ANKRD36: variants seen among roughly 807,000 people sequenced by gnomAD.
ANKRD36 encodes the protein ankyrin repeat domain 36.
In ANKRD36, 179 loss-of-function variants were observed where a neutral mutation model predicts 278.1. That is an observed-to-expected ratio of 0.64 (90% CI 0.57 to 0.73). The LOEUF (loss-of-function observed/expected upper bound fraction) is 0.73, where lower values mean the gene tolerates loss of function less well. ANKRD36 is among the 30% of genes least tolerant of loss of function. The pLI is 0.00. For missense variants in ANKRD36, 1,159 were observed against 1,956.7 expected (o/e 0.59, Z 7.69); for synonymous variants, 320 against 641.1 (o/e 0.50, Z 7.57).
At chr2:97,174,619 C>G (rs2053675865) in intron 22 of ANKRD36, among the ~76,000 whole-genome samples, 1 of 151,672 alleles carries the variant, frequency 6.6e-6, no homozygotes, top group African/African-American at 2.4e-5. Context: ...CCCTTTATTT[C>G]CTTCTCCTGC....
At chr2:97,175,095 G>A (rs1238394134) in intron 22 of ANKRD36, among the ~76,000 whole-genome samples, 2 of 148,000 alleles carry the variant, frequency 1.4e-5, no homozygotes, top group East Asian at 3.9e-4. Flanking sequence ...CTCTTTTTTT[G>A]TTGTGTCTCT....
At chr2:97,196,089 T>G (rs563691086) in intron 40 of ANKRD36, among the ~76,000 whole-genome samples, 22 of 152,024 alleles carry the variant, frequency 1.4e-4, no homozygotes, top group South Asian at 8.4e-4. Flanking sequence ...ACACTTCCAC[T>G]GAAGAGATGT....
At chr2:97,202,115 C>T in intron 46 of ANKRD36, 87 bp from the exon 47 acceptor site, 1 of 1,588,440 alleles carries the variant, frequency 6.3e-7, no homozygotes, top group Non-Finnish European at 8.5e-7. Context: ...GGCAGGAGGA[C>T]AGAGGTTGAT....
At chr2:97,201,985 C>G (rs2061500852) in intron 46 of ANKRD36, among the ~76,000 whole-genome samples, 1 of 151,878 alleles carries the variant, frequency 6.6e-6, no homozygotes, top group Admixed American at 6.6e-5. Flanking sequence ...AGAAATCATA[C>G]CATGTTTGAA....
chr2:97,231,890 A>G (rs952439793), intron 67 of ANKRD36, among the ~76,000 whole-genome samples: 5 of 152,116 alleles, frequency 3.3e-5, no homozygotes, highest in African/African-American at 1.2e-4. Context: ...ACTCAAGTGT[A>G]CACTGTTCAT....
At chr2:97,174,542 A>G (rs2053646142) in intron 22 of ANKRD36, among the ~76,000 whole-genome samples, 1 of 151,730 alleles carries the variant, frequency 6.6e-6, no homozygotes, top group African/African-American at 2.4e-5. Flanking sequence ...TAAAATAGCA[A>G]CTTAGATATA....
intron 7 of ANKRD36, 23 bp from the exon 8 acceptor site, chr2:97,142,740 A>G (rs761199537): frequency 6.2e-7 from 1 of 1,609,240 alleles, no homozygotes; most frequent in East Asian, 2.2e-5. Flanking sequence ...TGTATTGATT[A>G]TTTTGTTTCA....
At chr2:97,122,774 T>C (rs562741514) in intron 3 of ANKRD36, 113 bp from the exon 4 acceptor site, 151 of 994,504 alleles carry the variant, frequency 1.5e-4, no homozygotes, top group African/African-American at 5.5e-4. Flanking sequence ...CTACCTCTTA[T>C]GACCTTTCAA....
chr2:97,224,315 C>G lies in ANKRD36; in HGVS notation c.3878-491C>G, dbSNP rs1445277431. On this transcript the variant is annotated intron_variant, in intron 66 of 75. Coordinates refer to ENST00000420699, the MANE Select transcript of ANKRD36 (RefSeq NM_001354587.1). Reference sequence around the variant, plus strand: ...GAACCTGGTGACATCTAGTGCCTCCCCAAGTGGTTTGCTGAAGTTTTGGAG... The same window carrying G: ...GAACCTGGTGACATCTAGTGCCTCCGCAAGTGGTTTGCTGAAGTTTTGGAG... Among the ~76,000 whole-genome samples the G allele has an allele frequency of 1.3e-4, 19 of 151,456 alleles. No homozygotes were observed. The East Asian group carries it at 2.4e-3, about 19-fold the overall frequency.
At chr2:97,143,378 G>C (rs970495704) in intron 8 of ANKRD36, among the ~76,000 whole-genome samples, 16 of 152,230 alleles carry the variant, frequency 1.1e-4, no homozygotes, top group African/African-American at 3.6e-4. Flanking sequence ...ACTCACTTCA[G>C]ATGCATTTGG....
At chr2:97,161,693 A>T (rs1575122576) in intron 17 of ANKRD36, among the ~76,000 whole-genome samples, 3 of 151,998 alleles carry the variant, frequency 2.0e-5, no homozygotes, top group Admixed American at 6.6e-5. Flanking sequence ...TTACCACGTT[A>T]TTGTGGTAGT....
At chr2:97,216,923 A>G (rs2066083169) in intron 62 of ANKRD36, 5 of 906,374 alleles carry the variant, frequency 5.5e-6, no homozygotes, top group Non-Finnish European at 8.4e-6. Flanking sequence ...TGATATTGAC[A>G]CGGTTTTATT....
At chr2:97,198,157 A>C (rs1262674342) in intron 42 of ANKRD36, among the ~76,000 whole-genome samples, 1 of 151,900 alleles carries the variant, frequency 6.6e-6, no homozygotes, top group African/African-American at 2.4e-5. Flanking sequence ...TGCCCCTCTG[A>C]TTTTAGATCA....
At chr2:97,200,718 G>A (rs1244468586) in intron 46 of ANKRD36, among the ~76,000 whole-genome samples, 193 bp downstream of exon 46, 4 of 151,856 alleles carry the variant, frequency 2.6e-5, no homozygotes, top group Non-Finnish European at 4.4e-5. Context: ...AAGATTATAC[G>A]CATCCCCACA....
intron 6 of ANKRD36, among the ~76,000 whole-genome samples, chr2:97,139,670 C>G (rs2153445873): frequency 6.6e-6 from 1 of 152,156 alleles, no homozygotes; most frequent in Non-Finnish European, 1.5e-5. Flanking sequence ...AGAAATGAAA[C>G]AGAAGTATGG....
chr2:97,205,563 G>T (rs1363648275), intron 50 of ANKRD36, among the ~76,000 whole-genome samples: 1 of 151,470 alleles, frequency 6.6e-6, no homozygotes, highest in Non-Finnish European at 1.5e-5. Context: ...GATTTGTTGT[G>T]TGAAAGACAT....
At chr2:97,182,446 G>A (rs1311555306) in intron 26 of ANKRD36, among the ~76,000 whole-genome samples, 2 of 147,000 alleles carry the variant, frequency 1.4e-5, no homozygotes, top group Non-Finnish European at 3.0e-5. Context: ...TTACTGTTGG[G>A]CATCAGAGAT....
At chr2:97,129,567 A>G (rs1391328649) in intron 6 of ANKRD36, among the ~76,000 whole-genome samples, 1 of 151,958 alleles carries the variant, frequency 6.6e-6, no homozygotes, top group Non-Finnish European at 1.5e-5. Context: ...CCTGAATGGT[A>G]TTGCCTAGGT....
intron 20 of ANKRD36, among the ~76,000 whole-genome samples, chr2:97,165,557 A>G (rs1218188435): frequency 6.6e-6 from 1 of 151,210 alleles, no homozygotes; most frequent in Non-Finnish European, 1.5e-5. Context: ...AGAGAATGAC[A>G]TTGGAAAGAA....
Sources: gnomAD v4.1 joint callset for allele counts (sites outside exome capture counted in the v4.1 genomes callset) on GRCh38, gnomAD v4.1.1 for gene constraint, MANE v1.5 for transcripts, NCBI Gene and HGNC (gene_info 2026-07-23, HGNC 2026-07-21) for gene names.